Variants in MAGI2 observed in about 807,000 individuals in gnomAD.
MAGI2 encodes the protein membrane-associated guanylate kinase, WW and PDZ domain-containing protein 2.
MAGI2 carries 35 observed loss-of-function variants against 133.3 expected under a neutral mutation model. That is an observed-to-expected ratio of 0.26 (90% CI 0.20 to 0.35). MAGI2 has a LOEUF of 0.35. MAGI2 is among the 10% of genes least tolerant of loss of function. The probability of loss-of-function intolerance (pLI) is 1.00; values close to 1 mark genes in which losing one functional copy is unlikely to be tolerated. For synonymous variants in MAGI2, 729 were observed against 710.6 expected (o/e 1.03, Z -0.41); for missense variants, 1,636 against 1,863.4 (o/e 0.88, Z 2.25).
intron 2 of MAGI2, among the ~76,000 whole-genome samples, chr7:78,893,062 G>A (rs1370976607): frequency 5.3e-5 from 8 of 151,904 alleles, no homozygotes; most frequent in Admixed American, 5.3e-4. Flanking sequence ...ATCAAAAAGT[G>A]GGCAAAGGAT....
In MAGI2 at chr7:79,346,834, G is replaced by A. The variant is rs140200336; in HGVS notation, c.301+106186C>T. Among the ~76,000 whole-genome samples, 84 of 151,962 alleles carry A rather than the reference G, an allele frequency of 5.5e-4. No homozygotes were observed. The East Asian group carries it at 0.013, about 24-fold the overall frequency. On this transcript the variant is annotated intron_variant, in intron 1 of 21. Coordinates refer to ENST00000354212, the MANE Select transcript of MAGI2 (RefSeq NM_012301.4). ...TCCTTTTGCATTCTTAGAGCTGTTC[G>A]TTCACACAATTACACAATGGTTTGT...
At chr7:78,447,761 T>C (rs1209676450) in intron 6 of MAGI2, among the ~76,000 whole-genome samples, 2 of 152,212 alleles carry the variant, frequency 1.3e-5, no homozygotes, top group South Asian at 4.1e-4. Flanking sequence ...TTCTGGCAGG[T>C]ACCTAAAGCC....
intron 7 of MAGI2, among the ~76,000 whole-genome samples, chr7:78,346,418 T>C (rs996182084): frequency 2.0e-5 from 3 of 152,214 alleles, no homozygotes; most frequent in African/African-American, 7.2e-5. Context: ...GAGCATCACC[T>C]GAGCTTTGCA....
At chr7:79,397,441 T>C (rs1321434621) in intron 1 of MAGI2, among the ~76,000 whole-genome samples, 1 of 151,992 alleles carries the variant, frequency 6.6e-6, no homozygotes, top group Non-Finnish European at 1.5e-5. Context: ...ACTGTAATAG[T>C]TTAAAGTAAA....
At chr7:78,505,216 C>T (rs2150536802) in intron 4 of MAGI2, among the ~76,000 whole-genome samples, 1 of 152,242 alleles carries the variant, frequency 6.6e-6, no homozygotes, top group Admixed American at 6.5e-5. Context: ...TTTTTCCCCT[C>T]TCTGCATCAA....
chr7:78,959,393 A>C (rs1249219451), intron 2 of MAGI2, among the ~76,000 whole-genome samples: 1 of 152,130 alleles, frequency 6.6e-6, no homozygotes, highest in East Asian at 1.9e-4. Flanking sequence ...TAAAAAGTAT[A>C]ATAAATTAAA....
At chr7:79,182,387 C>T (rs1250497325) in intron 1 of MAGI2, among the ~76,000 whole-genome samples, 3 of 151,920 alleles carry the variant, frequency 2.0e-5, no homozygotes, top group Non-Finnish European at 4.4e-5. Context: ...AGAAACTTCC[C>T]TTTTTAAAAC....
At chr7:79,430,428 A>C (rs1847697559) in intron 1 of MAGI2, among the ~76,000 whole-genome samples, 2 of 152,232 alleles carry the variant, frequency 1.3e-5, no homozygotes, top group African/African-American at 2.4e-5. Flanking sequence ...CAAATGAGTT[A>C]AGTTCTTATC....
chr7:79,111,367 T>C (rs1818910819), intron 1 of MAGI2, among the ~76,000 whole-genome samples: 1 of 152,158 alleles, frequency 6.6e-6, no homozygotes, highest in Non-Finnish European at 1.5e-5. Flanking sequence ...TTCATAGAGA[T>C]ATTACAAATG....
Position 78,018,855 on chromosome 7 carries a change from T to C in MAGI2, c.*460A>G. ...ATTTATTTACAACGCTTTAGATCAA[T>C]TAAAAGATATAATCTTGTCTCAGTT... is the stretch of plus-strand genomic sequence containing the variant. On this transcript the variant is annotated 3_prime_UTR_variant, in exon 22 of 22. Transcript: ENST00000354212. The C allele has an allele frequency of 9.9e-6, 3 of 303,990 alleles. No homozygotes were observed. Among genetic ancestry groups the C allele is most frequent in the Non-Finnish European group, 1.2e-5 (2 of 166,800 alleles). The allele number at this position is 303,990 out of a possible 1,614,324, so 18.8% of individuals were successfully genotyped here. A position where few individuals can be genotyped will look rare whatever the true frequency, so the allele number is the denominator to read the frequency against.
chr7:78,637,823 A>G (rs1044422905), intron 2 of MAGI2, among the ~76,000 whole-genome samples: 3 of 152,214 alleles, frequency 2.0e-5, no homozygotes, highest in Middle Eastern at 3.2e-3. Context: ...GAACTCAGCC[A>G]GGTGTGGTGC....
intron 9 of MAGI2, among the ~76,000 whole-genome samples, chr7:78,280,359 A>G (rs948804563): frequency 6.6e-6 from 1 of 152,122 alleles, no homozygotes; most frequent in African/African-American, 2.4e-5. Context: ...ATTTAGAGTT[A>G]AAGCCAGGAA....
intron 13 of MAGI2, among the ~76,000 whole-genome samples, chr7:78,180,671 G>A (rs1827104590): frequency 6.6e-6 from 1 of 152,106 alleles, no homozygotes; most frequent in Admixed American, 6.6e-5. Context: ...ACATAGGGTG[G>A]TATGTGCCAG....
intron 21 of MAGI2, among the ~76,000 whole-genome samples, chr7:78,051,241 T>C (rs1307076368): frequency 1.3e-5 from 2 of 152,170 alleles, no homozygotes; most frequent in African/African-American, 4.8e-5. Flanking sequence ...CCCAAAGAAA[T>C]ACAGTACACA....
chr7:79,280,926 G>GAAAAAAAAA (rs71095390), intron 1 of MAGI2, among the ~76,000 whole-genome samples: 4 of 35,766 alleles, frequency 1.1e-4, no homozygotes, highest in Admixed American at 5.5e-4. Flanking sequence ...CTCTGTCTCT[G>GAAAAAAAAA]AAAAAAAAAA....
intron 10 of MAGI2, among the ~76,000 whole-genome samples, chr7:78,243,575 T>C (rs1042555885): frequency 7.2e-5 from 11 of 152,188 alleles, no homozygotes; most frequent in Non-Finnish European, 1.5e-4. Flanking sequence ...CTCAAAGCTA[T>C]GATATAGTCT....
At chr7:78,078,826 AT>A (rs758945208) in intron 21 of MAGI2, 120 bp downstream of exon 21, 1 of 1,049,316 alleles carries the variant, frequency 9.5e-7, no homozygotes, top group African/African-American at 1.6e-5. Flanking sequence ...ATATATACCT[AT>A]TGATAGCTAA....
chr7:79,423,662 G>T (rs894899769), intron 1 of MAGI2, among the ~76,000 whole-genome samples: 16 of 152,082 alleles, frequency 1.1e-4, no homozygotes, highest in African/African-American at 3.6e-4. Context: ...TTCAATATCT[G>T]TTTTGAAGAT....
At chr7:79,136,016 A>AGAAT in intron 1 of MAGI2, among the ~76,000 whole-genome samples, 1 of 119,658 alleles carries the variant, frequency 8.4e-6, no homozygotes, top group South Asian at 2.6e-4. Flanking sequence ...AAAGAAAGAA[A>AGAAT]GAAAGAAAGA....
Sources: gnomAD v4.1 joint callset for allele counts (sites outside exome capture counted in the v4.1 genomes callset) on GRCh38, gnomAD v4.1.1 for gene constraint, MANE v1.5 for transcripts, NCBI Gene and HGNC (gene_info 2026-07-23, HGNC 2026-07-21) for gene names.